Variants in SCARF1 observed in about 807,000 individuals in gnomAD.
SCARF1 encodes acetyl LDL receptor.
A neutral mutation model predicts 76.3 loss-of-function variants in SCARF1; 49 were observed. The ratio of observed to expected loss-of-function variants is 0.64; its 90% confidence interval spans 0.51 to 0.81. The LOEUF (loss-of-function observed/expected upper bound fraction) is 0.81, where lower values mean the gene tolerates loss of function less well. SCARF1 is among the 40% of genes least tolerant of loss of function. The pLI is 0.00. For missense variants in SCARF1, 1,098 were observed against 1,143.9 expected, an observed-to-expected ratio of 0.96 and a Z score of 0.58; for synonymous variants, 495 against 474.6, an observed-to-expected ratio of 1.04 and a Z score of -0.56.
chr17:1,641,132 C>T (rs890838850), intron 4 of SCARF1, among the ~76,000 whole-genome samples: 4 of 152,226 alleles, frequency 2.6e-5, no homozygotes, highest in African/African-American at 9.6e-5. Flanking sequence ...GGTCCTCAAA[C>T]CCTGGGCCAT....
Position 1,636,818 on chromosome 17 carries a change from G to A in SCARF1, c.1524C>T (p.Ser508=). ...AGCCGGCAGAGGGCGGCTCGATGAA[G>A]CTGTGGTTGAAGGGGACCTCCGGGT... The part of the protein sequence containing the change: ...HHDPEVPFNH[S]FIEPPSAGWA... The change falls in exon 10 of 11, where the codon AGC becomes AGT. Residue 508 remains serine, a synonymous_variant. Coordinates refer to ENST00000263071, the MANE Select transcript of SCARF1 (RefSeq NM_003693.4). 1 of 1,614,020 alleles carries A rather than the reference G, an allele frequency of 6.2e-7. No homozygotes were observed. The highest frequency in any genetic ancestry group is 1.1e-5 in the South Asian group (1 of 91,078).
chr17:1,638,221 G>A (rs1020752470), intron 8 of SCARF1: 1 of 152,240 alleles, frequency 6.6e-6, no homozygotes, highest in Non-Finnish European at 1.5e-5. Flanking sequence ...TTTCATAAAG[G>A]AACAAAGCTC....
In SCARF1 at chr17:1,643,615, G is replaced by A; in HGVS notation, c.618C>T (p.Gly206=). 1.4e-6 allele frequency: 2 copies of A among 1,474,478 alleles called. No individual in the cohort carries two copies. Among genetic ancestry groups the A allele is most frequent in the Non-Finnish European group, 1.8e-6 (2 of 1,120,538 alleles). The allele number at this position is 1,474,478 out of a possible 1,614,324, so 91.3% of individuals were successfully genotyped here. ...ACCAGCCCGGCCGGCAGGCGCAGCG[G>A]CCGGAGTCCTGCTCGCACGGGGAGC... The part of the protein sequence containing the change: ...CHGSPCEQDS[G]RCACRPGWWG... The change falls in exon 4 of 11, where the codon GGC becomes GGT. Residue 206 remains glycine (G), a synonymous_variant. Coordinates refer to ENST00000263071, the MANE Select transcript of SCARF1 (RefSeq NM_003693.4).
chr17:1,644,167 AGT>A lies in SCARF1; in HGVS notation c.266-202_266-201del. 2.4e-6 allele frequency: 1 copy of A among 411,790 alleles called. No individual in the cohort carries two copies. Among genetic ancestry groups the A allele is most frequent in the African/African-American group, 2.1e-5 (1 of 48,666 alleles). 25.5% of individuals were successfully genotyped at this position (411,790 alleles called of 1,614,324 possible). ...GACCTACAGAAAACCCTTAGCCATT[AGT>A]GGGAGGCTCAGCCTGCCACTTCACA... On this transcript the variant is annotated intron_variant, in intron 3 of 10. Coordinates refer to ENST00000263071, the MANE Select transcript of SCARF1 (RefSeq NM_003693.4). The surrounding 1 kb of genome is among the most constrained non-coding windows in gnomAD (Gnocchi z 4.8).
Position 1,640,405 on chromosome 17 carries a change from T to G in SCARF1, c.1010+43A>C, listed in dbSNP as rs1201083700. ...GAGAGAGCCGCTGAGCTGAGGGTCC[T>G]GGGGGAAGGTGTACCCCACCCTGAA... On this transcript the variant is annotated intron_variant, in intron 5 of 10. Transcript: ENST00000263071. This position sits in a 1 kb window ranked among gnomAD's most constrained non-coding sequence, Gnocchi z 4.7. 1 of 1,506,338 alleles carries G rather than the reference T, an allele frequency of 6.6e-7. No individual in the cohort carries two copies. Among genetic ancestry groups the G allele is most frequent in the Non-Finnish European group, 9.0e-7 (1 of 1,110,594 alleles). The allele number at this position is 1,506,338 out of a possible 1,614,324, so 93.3% of individuals were successfully genotyped here. A position where few individuals can be genotyped will look rare whatever the true frequency, so the allele number is the denominator to read the frequency against.
intron 7 of SCARF1, 50 bp downstream of exon 7, chr17:1,639,589 G>C: frequency 1.5e-6 from 2 of 1,349,156 alleles, no homozygotes; most frequent in Non-Finnish European, 2.1e-6. Flanking sequence ...CCCATGTGAA[G>C]GGCCCGCCTT....
rs763951034 is a variant in SCARF1, at chr17:1,639,739, G to A, written c.1143C>T (p.Cys381=). The A allele has an allele frequency of 5.6e-6, 9 of 1,603,746 alleles. No individual in the cohort carries two copies. Among genetic ancestry groups the A allele is most frequent in the Non-Finnish European group, 7.7e-6 (9 of 1,175,456 alleles). The part of the protein sequence containing the change: ...VCSAGYWGPS[C]NASCPAGFHG... ...GGAAACCGGCTGGGCAGGAGGCGTT[G>A]CAGCTATGGAGTGACATGGAGAGGC... Residue 381 remains cysteine, a synonymous_variant, in exon 7 of 11, where the codon TGC becomes TGT. Coordinates refer to ENST00000263071, the MANE Select transcript of SCARF1 (RefSeq NM_003693.4).
In SCARF1 at chr17:1,640,782, A is replaced by G; in HGVS notation, c.792-116T>C. 1.1e-6 allele frequency: 1 copy of G among 945,398 alleles called. No homozygotes were observed. The highest frequency in any genetic ancestry group is 2.6e-5 in the East Asian group (1 of 37,752). The allele number at this position is 945,398 out of a possible 1,614,324, so 58.6% of individuals were successfully genotyped here. A position where few individuals can be genotyped will look rare whatever the true frequency, so the allele number is the denominator to read the frequency against. The stretch of plus-strand genomic sequence containing the variant: ...GGGCCCTGGAGAGTGTTCGGGTCCC[A>G]CCTGGGTCAGGCAGGTTTGAGCCTC... On this transcript the variant is annotated intron_variant, in intron 4 of 10. Transcript: ENST00000263071. This position sits in a 1 kb window ranked among gnomAD's most constrained non-coding sequence, Gnocchi z 4.7.
intron 10 of SCARF1, 25 bp downstream of exon 10, chr17:1,636,684 G>A (rs780813821): frequency 2.5e-6 from 4 of 1,612,382 alleles, no homozygotes; most frequent in East Asian, 2.2e-5. Context: ...CTGCTCAGGG[G>A]CTATGTGGGC....
chr17:1,634,665 G>A lies in SCARF1; in HGVS notation c.*93C>T. On this transcript the variant is annotated 3_prime_UTR_variant, in exon 11 of 11. Transcript: ENST00000263071. ...GCCTTTTCCCTGTGGAGGCGCAGAG[G>A]CTCTGGTTTGTCTGTCCTGGCCCCG... 6.8e-7 allele frequency: 1 copy of A among 1,466,712 alleles called. No individual in the cohort carries two copies. Among genetic ancestry groups the A allele is most frequent in the Non-Finnish European group, 9.1e-7 (1 of 1,101,248 alleles). The allele number at this position is 1,466,712 out of a possible 1,614,324, so 90.9% of individuals were successfully genotyped here.
rs1910318025 is a variant in SCARF1 at position 1,643,966 on chromosome 17, G to T, written c.267C>A (p.Arg89=). The T allele has an allele frequency of 2.3e-6, 3 of 1,326,234 alleles. No homozygotes were observed. Among genetic ancestry groups the T allele is most frequent in the South Asian group, 2.0e-5 (1 of 50,440 alleles). The allele number at this position is 1,326,234 out of a possible 1,614,324, so 82.2% of individuals were successfully genotyped here. Residue 89 remains arginine, a splice_region_variant and synonymous_variant, in exon 4 of 11, where the codon CGC becomes CGA. Transcript: ENST00000263071. ...CGGGGCCCCAGTACTGGCCCGGGCA[G>T]CCTGCGGGGGTGGGGACGGGAGGGG... The part of the protein sequence containing the change: ...PGFFGAHCSS[R]CPGQYWGPDC...
rs1478968983 is a variant in SCARF1 at position 1,640,454 on chromosome 17, C to T, written c.1004G>A (p.Gly335Glu). 3.9e-6 allele frequency: 6 copies of T among 1,554,876 alleles called. No homozygotes were observed. The highest frequency in any genetic ancestry group is 4.3e-6 in the Non-Finnish European group (5 of 1,149,602). ...HCQRCDPGWL[G>E]PRCEDPCPTG... ...AACAGAATGGTGCCCTCACCTGGGC[C>T]CCAGCCAGCCAGGGTCACAGCGCTG... Residue 335 changes from glycine (G) to glutamate (E), a missense_variant, in exon 5 of 11, where the codon GGG becomes GAG. Coordinates refer to ENST00000263071, the MANE Select transcript of SCARF1 (RefSeq NM_003693.4). This position sits in a 1 kb window ranked among gnomAD's most constrained non-coding sequence, Gnocchi z 4.7.
At position 1,641,883 on chromosome 17, in the gene SCARF1, G is replaced by A. The variant is rs552559840; in HGVS notation, c.792-1217C>T. Reference sequence around the variant, plus strand: ...ATTACAGGCGCCCAACACCATGCCCGGCTAATTTTTGTATTTTTAGTAGAG... The same window carrying A: ...ATTACAGGCGCCCAACACCATGCCCAGCTAATTTTTGTATTTTTAGTAGAG... On this transcript the variant is annotated intron_variant, in intron 4 of 10. Transcript: ENST00000263071. Among the ~76,000 whole-genome samples, 95 of 152,170 alleles carry A rather than the reference G, an allele frequency of 6.2e-4. No homozygotes were observed. In the East Asian group the frequency reaches 7.9e-3, roughly 13 times the overall value.
Position 1,645,458 on chromosome 17 carries a change from C to G in SCARF1, c.101+139G>C. ...CCACTACCTGCCAGACCGCCATCAG[C>G]AGTCCCTTCCTTTCAGCCTAAGCCC... On this transcript the variant is annotated intron_variant, in intron 1 of 10. Coordinates refer to ENST00000263071, the MANE Select transcript of SCARF1 (RefSeq NM_003693.4). The surrounding 1 kb of genome is among the most constrained non-coding windows in gnomAD (Gnocchi z 6.3). 6.6e-7 allele frequency: 1 copy of G among 1,519,472 alleles called. No individual in the cohort carries two copies. Among genetic ancestry groups the G allele is most frequent in the South Asian group, 1.2e-5 (1 of 83,586 alleles). 94.1% of individuals were successfully genotyped at this position (1,519,472 alleles called of 1,614,324 possible).
chr17:1,645,147 C>T lies in SCARF1; in HGVS notation c.163+31G>A, dbSNP rs1207327468. 2 of 1,613,444 alleles carry T rather than the reference C, an allele frequency of 1.2e-6. No homozygotes were observed. Among genetic ancestry groups the T allele is most frequent in the East Asian group, 2.2e-5 (1 of 44,884 alleles). ...GTCACTGGGCTACGGCCTCCCTTCTCCTTGGCTGAGGGTCTGTCCTGGCTA... is the reference window on the plus strand; with the variant it reads ...GTCACTGGGCTACGGCCTCCCTTCTTCTTGGCTGAGGGTCTGTCCTGGCTA... On this transcript the variant is annotated intron_variant, in intron 2 of 10. Transcript: ENST00000263071. The surrounding 1 kb of genome is among the most constrained non-coding windows in gnomAD (Gnocchi z 6.3).
Position 1,643,850 on chromosome 17 carries a change from C to A in SCARF1, c.383G>T (p.Arg128Leu). 2 of 1,272,350 alleles carry A rather than the reference C, an allele frequency of 1.6e-6. No individual in the cohort carries two copies. Among genetic ancestry groups the A allele is most frequent in the Non-Finnish European group, 2.0e-6 (2 of 1,012,254 alleles). 78.8% of individuals were successfully genotyped at this position (1,272,350 alleles called of 1,614,324 possible). A position where few individuals can be genotyped will look rare whatever the true frequency, so the allele number is the denominator to read the frequency against. The stretch of plus-strand genomic sequence containing the variant: ...GCCGCAGGCGCACGGGAACTCGCAG[C>A]GGGCTCCCCAGCGGTCGGCCTGGCA... ...CQCQADRWGA[R>L]CEFPCACGPH... The change falls in exon 4 of 11, where the codon CGC (arginine) becomes CTC (leucine). Residue 128 changes from arginine to leucine, a missense_variant. Transcript: ENST00000263071.
chr17:1,640,454 C>CCCAG lies in SCARF1; in HGVS notation c.1000_1003dup (p.Gly335AlafsTer6), dbSNP rs1435114343. On this transcript the variant is annotated frameshift_variant, in exon 5 of 11. Transcript: ENST00000263071. LOFTEE classifies it high-confidence loss of function. The surrounding 1 kb of genome is among the most constrained non-coding windows in gnomAD (Gnocchi z 4.7). ...AACAGAATGGTGCCCTCACCTGGGC[C>CCCAG]CCAGCCAGCCAGGGTCACAGCGCTG... The CCCAG allele has an allele frequency of 1.9e-6, 3 of 1,554,994 alleles. No individual in the cohort carries two copies. The highest frequency in any genetic ancestry group is 2.6e-6 in the Non-Finnish European group (3 of 1,149,594).
At chr17:1,639,554 C>T (rs1397341544) in intron 7 of SCARF1, 85 bp downstream of exon 7, 10 of 892,280 alleles carry the variant, frequency 1.1e-5, no homozygotes, top group South Asian at 5.7e-5. Flanking sequence ...GGCCCAGACT[C>T]CCTGGTGAGG....
rs748378299 is a variant in SCARF1, at chr17:1,645,153, C to T, written c.163+25G>A. ...GGGCTACGGCCTCCCTTCTCCTTGGCTGAGGGTCTGTCCTGGCTACTCACG... is the reference window on the plus strand; with the variant it reads ...GGGCTACGGCCTCCCTTCTCCTTGGTTGAGGGTCTGTCCTGGCTACTCACG... On this transcript the variant is annotated intron_variant, in intron 2 of 10. Transcript: ENST00000263071. The surrounding 1 kb of genome is among the most constrained non-coding windows in gnomAD (Gnocchi z 6.3). 7 of 1,613,690 alleles carry T rather than the reference C, an allele frequency of 4.3e-6. No individual in the cohort carries two copies. Among genetic ancestry groups the T allele is most frequent in the Non-Finnish European group, 5.9e-6 (7 of 1,179,850 alleles).
Sources: allele counts gnomAD v4.1 joint callset (sites outside exome capture counted in the v4.1 genomes callset), GRCh38; gene constraint gnomAD v4.1.1; non-coding constraint Gnocchi (gnomAD v3.1); transcripts MANE v1.5; gene names NCBI Gene and HGNC (gene_info 2026-07-23, HGNC 2026-07-21).